MBOAT2: variants seen among roughly 807,000 people sequenced by gnomAD.
MBOAT2 encodes membrane bound glycerophospholipid O-acyltransferase 2, also known as membrane-bound glycerophospholipid O-acyltransferase 2.
A neutral mutation model predicts 63.4 loss-of-function variants in MBOAT2; 28 were observed. That is an observed-to-expected ratio of 0.44 (90% CI 0.33 to 0.61). The LOEUF (loss-of-function observed/expected upper bound fraction) is 0.61. Ranked by LOEUF, MBOAT2 falls within the 20% of genes least tolerant of loss-of-function variation. MBOAT2 has a pLI of 0.03. For synonymous variants in MBOAT2, 211 were observed against 215.6 expected, an observed-to-expected ratio of 0.98 and a Z score of 0.19; for missense variants, 470 against 605.8, an observed-to-expected ratio of 0.78 and a Z score of 2.35.
chr2:9,000,564 T>C (rs1672610484), intron 1 of MBOAT2, among the ~76,000 whole-genome samples: 3 of 152,238 alleles, frequency 2.0e-5, no homozygotes, highest in Admixed American at 1.3e-4. Context: ...ACTACAGTCA[T>C]GTGTCACTTA....
intron 1 of MBOAT2, among the ~76,000 whole-genome samples, chr2:8,962,412 A>G (rs1396245097): frequency 6.6e-6 from 1 of 152,192 alleles, no homozygotes; most frequent in Admixed American, 6.6e-5. Flanking sequence ...CAGAGGATGT[A>G]TTTCCTAGTC....
chr2:8,900,435 T>G (rs1400541654), intron 4 of MBOAT2, among the ~76,000 whole-genome samples: 2 of 152,340 alleles, frequency 1.3e-5, no homozygotes, highest in South Asian at 4.1e-4. Flanking sequence ...TCTATGTACC[T>G]ATCAGGATCA....
intron 1 of MBOAT2, among the ~76,000 whole-genome samples, chr2:8,989,491 A>G (rs1671781422): frequency 1.3e-5 from 2 of 152,236 alleles, no homozygotes; most frequent in African/African-American, 2.4e-5. Flanking sequence ...CAACACTTAG[A>G]AAGTGAACTT....
chr2:8,892,002 TAAAAC>T (rs1217243525), intron 4 of MBOAT2, among the ~76,000 whole-genome samples: 3 of 152,174 alleles, frequency 2.0e-5, no homozygotes, highest in Admixed American at 6.5e-5. Context: ...CTTTCTGAAA[TAAAAC>T]AAAGGATGAA....
chr2:8,907,441 T>C (rs1167102063), intron 4 of MBOAT2, among the ~76,000 whole-genome samples: 2 of 152,230 alleles, frequency 1.3e-5, no homozygotes, highest in African/African-American at 4.8e-5. Context: ...TATATAACTA[T>C]TTCCCAATTT....
At chr2:8,931,614 C>A (rs1667325123) in intron 3 of MBOAT2, among the ~76,000 whole-genome samples, 3 of 152,166 alleles carry the variant, frequency 2.0e-5, no homozygotes, top group Admixed American at 1.3e-4. Context: ...TCAATTTTTG[C>A]TTTTGTTGCA....
intron 4 of MBOAT2, among the ~76,000 whole-genome samples, chr2:8,895,737 G>A (rs1664410107): frequency 6.6e-6 from 1 of 152,158 alleles, no homozygotes; most frequent in Admixed American, 6.6e-5. Flanking sequence ...TGCAGCTGTA[G>A]TGTCCTCCAG....
chr2:8,884,926 A>G (rs1020806250), intron 5 of MBOAT2, among the ~76,000 whole-genome samples: 1 of 152,210 alleles, frequency 6.6e-6, no homozygotes, highest in Non-Finnish European at 1.5e-5. Flanking sequence ...TAGAAGTCTA[A>G]CCAAGTCCAA....
chr2:8,940,975 T>C (rs1668013129), intron 3 of MBOAT2, among the ~76,000 whole-genome samples: 1 of 152,132 alleles, frequency 6.6e-6, no homozygotes, highest in Non-Finnish European at 1.5e-5. Context: ...AACAATAACT[T>C]TGGACAACAC....
intron 2 of MBOAT2, 58 bp from the exon 3 acceptor site, chr2:8,943,322 A>C: frequency 9.4e-7 from 1 of 1,063,596 alleles, no homozygotes; most frequent in Non-Finnish European, 1.4e-6. Context: ...CATCAAGCTG[A>C]AGTGAATTAA....
intron 1 of MBOAT2, among the ~76,000 whole-genome samples, chr2:8,964,503 T>A (rs1238236144): frequency 6.6e-6 from 1 of 151,800 alleles, no homozygotes; most frequent in Non-Finnish European, 1.5e-5. Flanking sequence ...AAACTAAAAA[T>A]GGTGTAAAAC....
chr2:8,899,869 C>T (rs1664783958), intron 4 of MBOAT2, among the ~76,000 whole-genome samples: 7 of 152,176 alleles, frequency 4.6e-5, no homozygotes, highest in Admixed American at 4.6e-4. Flanking sequence ...TATTATAGAA[C>T]ACCGAGGTTG....
intron 3 of MBOAT2, among the ~76,000 whole-genome samples, chr2:8,915,180 C>A (rs1257575062): frequency 1.3e-5 from 2 of 151,954 alleles, no homozygotes; most frequent in South Asian, 2.1e-4. Context: ...CTCAAGTGAT[C>A]CACCTGCCTC....
At chr2:8,908,579 G>C in intron 4 of MBOAT2, 42 bp downstream of exon 4, 1 of 1,113,958 alleles carries the variant, frequency 9.0e-7, no homozygotes, top group Non-Finnish European at 1.3e-6. Flanking sequence ...CACCTTGTTG[G>C]AATGGATAAA....
At chr2:9,002,882 C>T (rs1344438139) in intron 1 of MBOAT2, among the ~76,000 whole-genome samples, 1 of 152,180 alleles carries the variant, frequency 6.6e-6, no homozygotes, top group Non-Finnish European at 1.5e-5. Flanking sequence ...ACTTTGTCAG[C>T]AAGAATCCTG....
intron 4 of MBOAT2, among the ~76,000 whole-genome samples, chr2:8,897,336 C>T (rs1201110179): frequency 1.3e-5 from 2 of 150,590 alleles, no homozygotes; most frequent in African/African-American, 5.0e-5. Flanking sequence ...CCCTCTCCTT[C>T]CCCTTTGGAT....
intron 1 of MBOAT2, among the ~76,000 whole-genome samples, chr2:8,986,346 C>T (rs1385346230): frequency 6.6e-6 from 1 of 151,972 alleles, no homozygotes; most frequent in Non-Finnish European, 1.5e-5. Context: ...GAGGCTGAGG[C>T]AGGCTGATCA....
At chr2:8,961,610 T>G (rs1305698047) in intron 1 of MBOAT2, among the ~76,000 whole-genome samples, 1 of 152,126 alleles carries the variant, frequency 6.6e-6, no homozygotes, top group Admixed American at 6.5e-5. Flanking sequence ...AAGCTAGATA[T>G]TTCCCATCAG....
At chr2:8,909,265 T>C (rs1397668177) in intron 3 of MBOAT2, among the ~76,000 whole-genome samples, 2 of 152,160 alleles carry the variant, frequency 1.3e-5, no homozygotes, top group African/African-American at 2.4e-5. Context: ...AAAGAACTTA[T>C]ATATCAACAG....
Sources: allele counts gnomAD v4.1 joint callset (sites outside exome capture counted in the v4.1 genomes callset), GRCh38; gene constraint gnomAD v4.1.1; transcripts MANE v1.5; gene names NCBI Gene and HGNC (gene_info 2026-07-23, HGNC 2026-07-21).